SLC30A4: variants seen among roughly 807,000 people sequenced by gnomAD.
SLC30A4 encodes the protein probable proton-coupled zinc antiporter SLC30A4.
SLC30A4 carries 20 observed loss-of-function variants against 41.7 expected under a neutral mutation model. The ratio of observed to expected loss-of-function variants is 0.48; its 90% confidence interval spans 0.34 to 0.70. The LOEUF (loss-of-function observed/expected upper bound fraction) is 0.70, where lower values mean the gene tolerates loss of function less well. Among genes scored for constraint, SLC30A4 ranks in the 30% least tolerant of loss-of-function variants. The pLI, the probability that SLC30A4 is intolerant of heterozygous loss-of-function variation, is 0.01. For missense variants in SLC30A4, 441 were observed against 529.3 expected (o/e 0.83, Z 1.64); for synonymous variants, 181 against 195.9 (o/e 0.92, Z 0.64).
chr15:45,490,874 C>A lies in SLC30A4; in HGVS notation c.546G>T (p.Leu182Phe). 6.3e-7 allele frequency: 1 copy of A among 1,575,214 alleles called. No individual in the cohort carries two copies. Among genetic ancestry groups the A allele is most frequent in the Non-Finnish European group, 8.6e-7 (1 of 1,160,468 alleles). ...CCAACAGCACACTAATCATAGCTGACAAAACCTCTAGAGGGAAAAACACAT... is the reference window on the plus strand; with the variant it reads ...CCAACAGCACACTAATCATAGCTGAAAAAACCTCTAGAGGGAAAAACACAT... ...FTFGFHRLEV[L>F]SAMISVLLVY... Residue 182 changes from leucine (L) to phenylalanine (F), a missense_variant, in exon 4 of 8, where the codon TTG (leucine) becomes TTT (phenylalanine). Leu to Phe is a conservative substitution (Grantham distance 22). Coordinates refer to ENST00000261867, the MANE Select transcript of SLC30A4 (RefSeq NM_013309.6).
chr15:45,508,766 A>G (rs575380372), intron 3 of SLC30A4, among the ~76,000 whole-genome samples: 41 of 152,330 alleles, frequency 2.7e-4, no homozygotes, highest in African/African-American at 9.9e-4. Context: ...TTGACTTTCT[A>G]TAGAAAATTC....
chr15:45,515,474 G>A (rs1185068059), intron 2 of SLC30A4, among the ~76,000 whole-genome samples: 2 of 152,062 alleles, frequency 1.3e-5, no homozygotes, highest in African/African-American at 2.4e-5. Context: ...TTAACACGGT[G>A]AAAGCCCGTC....
At chr15:45,517,345 C>CTTTTTTTTTTTTTTTTTTTT (rs1166130286) in intron 2 of SLC30A4, among the ~76,000 whole-genome samples, 1 of 65,574 alleles carries the variant, frequency 1.5e-5, no homozygotes, top group Non-Finnish European at 2.7e-5. Context: ...CCAATCCATT[C>CTTTTTTTTTTTTTTTTTTTT]TTTTTTTTTT....
In SLC30A4 at chr15:45,522,628, G is replaced by C. The variant is rs1180152075; in HGVS notation, c.-136C>G. 1 of 308,400 alleles carries C rather than the reference G, an allele frequency of 3.2e-6. No individual in the cohort carries two copies. Among genetic ancestry groups the C allele is most frequent in the Non-Finnish European group, 5.9e-6 (1 of 170,434 alleles). The allele number at this position is 308,400 out of a possible 1,614,324, so 19.1% of individuals were successfully genotyped here. A position where few individuals can be genotyped will look rare whatever the true frequency, so the allele number is the denominator to read the frequency against. Reference sequence around the variant, plus strand: ...ATACCTGGGGCGCTGCCGCGGGGCCGCAACTCATCTCCCCGCCCCCGGCCG... The same window carrying C: ...ATACCTGGGGCGCTGCCGCGGGGCCCCAACTCATCTCCCCGCCCCCGGCCG... On this transcript the variant is annotated 5_prime_UTR_variant, in exon 1 of 8. Coordinates refer to ENST00000261867, the MANE Select transcript of SLC30A4 (RefSeq NM_013309.6).
At chr15:45,520,324 C>T (rs1892626322) in intron 2 of SLC30A4, among the ~76,000 whole-genome samples, 1 of 151,850 alleles carries the variant, frequency 6.6e-6, no homozygotes, top group South Asian at 2.1e-4. Context: ...GGCTGGAGTG[C>T]AGTGGCGCAA....
Position 45,522,455 on chromosome 15 carries a change from C to T in SLC30A4, c.-101G>A. 1 of 1,113,742 alleles carries T rather than the reference C, an allele frequency of 9.0e-7. No individual in the cohort carries two copies. Among genetic ancestry groups the T allele is most frequent in the Non-Finnish European group, 1.3e-6 (1 of 797,152 alleles). The allele number at this position is 1,113,742 out of a possible 1,614,324, so 69.0% of individuals were successfully genotyped here. A position where few individuals can be genotyped will look rare whatever the true frequency, so the allele number is the denominator to read the frequency against. The stretch of plus-strand genomic sequence containing the variant: ...GCCAGTTCTCGAGGGCAGTGCCGCG[C>T]GTCCCTCCCCATCCTGTGGAAAACG... On this transcript the variant is annotated 5_prime_UTR_variant, in exon 2 of 8. Transcript: ENST00000261867.
Position 45,511,304 on chromosome 15 carries a change from G to GA in SLC30A4, c.392-21dup. 1 of 1,482,278 alleles carries GA rather than the reference G, an allele frequency of 6.7e-7. No homozygotes were observed. The highest frequency in any genetic ancestry group is 9.0e-7 in the Non-Finnish European group (1 of 1,110,584). The allele number at this position is 1,482,278 out of a possible 1,614,324, so 91.8% of individuals were successfully genotyped here. A position where few individuals can be genotyped will look rare whatever the true frequency, so the allele number is the denominator to read the frequency against. On this transcript the variant is annotated intron_variant, in intron 2 of 7. Coordinates refer to ENST00000261867, the MANE Select transcript of SLC30A4 (RefSeq NM_013309.6). ...ATCCACCTTAGAGTTACAAGTAGGA[G>GA]AAAAAAGGAACAAGTTAATTTTTTA...
chr15:45,519,687 T>C (rs1892604721), intron 2 of SLC30A4: 1 of 152,222 alleles, frequency 6.6e-6, no homozygotes, highest in African/African-American at 2.4e-5. Context: ...GTGGCTTTCA[T>C]AAAACAACAT....
rs1023416446 is a variant in SLC30A4 at position 45,483,497 on chromosome 15, T to G, written c.*1666A>C. Reference sequence around the variant, plus strand: ...CCTCTTTAACACAGGCATTTACAATTAGGTTGCCTTCAGTTTGGAAACCTC... The same window carrying G: ...CCTCTTTAACACAGGCATTTACAATGAGGTTGCCTTCAGTTTGGAAACCTC... On this transcript the variant is annotated 3_prime_UTR_variant, in exon 8 of 8. Coordinates refer to ENST00000261867, the MANE Select transcript of SLC30A4 (RefSeq NM_013309.6). 1.3e-5 allele frequency: 2 copies of G among 152,222 alleles called. No homozygotes were observed. Among genetic ancestry groups the G allele is most frequent in the African/African-American group, 4.8e-5 (2 of 41,456 alleles). 9.4% of individuals were successfully genotyped at this position (152,222 alleles called of 1,614,324 possible).
At chr15:45,513,530 G>C (rs7170941) in intron 2 of SLC30A4, among the ~76,000 whole-genome samples, 12,811 of 147,794 alleles carry the variant, frequency 0.087, 1,790 homozygotes, top group African/African-American at 0.29. Flanking sequence ...TTCACAAAAA[G>C]AATGAAAACA....
In SLC30A4 at chr15:45,522,176, C is replaced by T. The variant is rs757841218; in HGVS notation, c.179G>A (p.Arg60Lys). 6.2e-7 allele frequency: 1 copy of T among 1,614,234 alleles called. No individual in the cohort carries two copies. The highest frequency in any genetic ancestry group is 1.3e-5 in the African/African-American group (1 of 75,060). Residue 60 changes from arginine to lysine, a missense_variant, in exon 2 of 8, where the codon AGG (arginine) becomes AAG (lysine). Transcript: ENST00000261867. The part of the protein sequence containing the change: ...VADDGSEAPE[R>K]PVNGAHPTLQ... ...GGTCGGGTGCGCCCCGTTAACAGGC[C>T]TTTCCGGGGCTTCGGAACCGTCATC... is the stretch of plus-strand genomic sequence containing the variant.
intron 3 of SLC30A4, among the ~76,000 whole-genome samples, chr15:45,503,508 C>T (rs1449896061): frequency 1.3e-5 from 2 of 151,672 alleles, no homozygotes; most frequent in Non-Finnish European, 2.9e-5. Context: ...CCCAGCTACT[C>T]GAGAGGCTGA....
intron 5 of SLC30A4, 92 bp downstream of exon 5, chr15:45,488,749 C>T (rs1241998127): frequency 2.2e-6 from 2 of 921,860 alleles, no homozygotes; most frequent in Non-Finnish European, 3.4e-6. Context: ...AGAACTGGCA[C>T]TGGTGTCCAG....
intron 3 of SLC30A4, among the ~76,000 whole-genome samples, chr15:45,500,609 GGTCT>G (rs3067045): frequency 2.9e-5 from 4 of 135,700 alleles, no homozygotes; most frequent in East Asian, 2.2e-4. Flanking sequence ...CTATGTTAAG[GGTCT>G]GTCTATCTAT....
Position 45,490,898 on chromosome 15 carries a change from A to T in SLC30A4, c.539-17T>A. The T allele has an allele frequency of 6.6e-7, 1 of 1,517,518 alleles. No individual in the cohort carries two copies. Among genetic ancestry groups the T allele is most frequent in the Non-Finnish European group, 8.9e-7 (1 of 1,126,224 alleles). 94.0% of individuals were successfully genotyped at this position (1,517,518 alleles called of 1,614,324 possible). ...ACAAAACCTCTAGAGGGAAAAACAC[A>T]TATAACAAATACATTTTCAGCATGG... On this transcript the variant is annotated splice_polypyrimidine_tract_variant and intron_variant, in intron 3 of 7. Coordinates refer to ENST00000261867, the MANE Select transcript of SLC30A4 (RefSeq NM_013309.6).
intron 3 of SLC30A4, among the ~76,000 whole-genome samples, chr15:45,506,400 C>G (rs1203443108): frequency 2.0e-5 from 3 of 152,132 alleles, no homozygotes; most frequent in South Asian, 4.1e-4. Context: ...GTGAAGTTTT[C>G]AGGACCTGAA....
At chr15:45,521,893 C>T in intron 2 of SLC30A4, 71 bp downstream of exon 2, 1 of 1,480,030 alleles carries the variant, frequency 6.8e-7, no homozygotes, top group Non-Finnish European at 9.2e-7. Flanking sequence ...ACCTCAAAGC[C>T]TGTGTAACTA....
chr15:45,517,628 C>T (rs187492289), intron 2 of SLC30A4, among the ~76,000 whole-genome samples: 8 of 152,100 alleles, frequency 5.3e-5, no homozygotes, highest in African/African-American at 1.9e-4. Context: ...AAAGGTAAAT[C>T]CCATCTTGTT....
rs1458480300 is a variant in SLC30A4 at position 45,488,849 on chromosome 15, G to A, written c.886C>T (p.Arg296Ter). 1.9e-6 allele frequency: 3 copies of A among 1,610,748 alleles called. No homozygotes were observed. The highest frequency in any genetic ancestry group is 2.2e-5 in the East Asian group (1 of 44,864). ...VGVLIAAYII[R>*]FKPEYKIADP... ...ATTACCAATCATATTACCTTGAATC[G>A]TATGATGTATGCAGCTATTAGCACA... Residue 296 changes from arginine (R) to a stop codon, truncating the protein, a stop_gained, in exon 5 of 8, where the codon CGA becomes TGA. Coordinates refer to ENST00000261867, the MANE Select transcript of SLC30A4 (RefSeq NM_013309.6). LOFTEE classifies it high-confidence loss of function.
Sources: allele counts gnomAD v4.1 joint callset (sites outside exome capture counted in the v4.1 genomes callset), GRCh38; gene constraint gnomAD v4.1.1; transcripts MANE v1.5; gene names NCBI Gene and HGNC (gene_info 2026-07-23, HGNC 2026-07-21).